NRG1: variants seen among roughly 807,000 people sequenced by gnomAD.
The protein encoded by NRG1 is pro-neuregulin-1, membrane-bound isoform.
Under a neutral mutation model 63.8 loss-of-function variants are expected in NRG1, and 18 were observed. The ratio of observed to expected loss-of-function variants is 0.28; its 90% CI spans 0.19 to 0.42. The LOEUF is 0.42. Among genes scored for constraint, NRG1 ranks in the 10% least tolerant of loss-of-function variants. NRG1 has a pLI of 1.00. For synonymous variants in NRG1, 302 were observed against 301.3 expected (o/e 1.00, Z -0.02); for missense variants, 762 against 814.7 (o/e 0.94, Z 0.79).
chr8:32,066,401 A>G (rs753582817), intron 1 of NRG1, among the ~76,000 whole-genome samples: 1 of 152,362 alleles, frequency 6.6e-6, no homozygotes, highest in Non-Finnish European at 1.5e-5. Flanking sequence ...AGCTTTTTAC[A>G]TATGGCTAGC....
At chr8:32,181,841 A>C (rs1841460417) in intron 1 of NRG1, among the ~76,000 whole-genome samples, 2 of 152,050 alleles carry the variant, frequency 1.3e-5, no homozygotes, top group Admixed American at 1.3e-4. Flanking sequence ...TTATAACTGA[A>C]AAAAAAACTG....
At chr8:32,396,010 C>T (rs1812392523) in intron 1 of NRG1, among the ~76,000 whole-genome samples, 2 of 152,120 alleles carry the variant, frequency 1.3e-5, no homozygotes, top group Non-Finnish European at 2.9e-5. Context: ...GTTACCTTTG[C>T]TGCTTTGTTA....
chr8:32,026,936 T>C (rs1234807935), intron 1 of NRG1, among the ~76,000 whole-genome samples: 1 of 152,172 alleles, frequency 6.6e-6, no homozygotes, highest in Non-Finnish European at 1.5e-5. Flanking sequence ...ATAATTATCT[T>C]AATCCCCATT....
intron 1 of NRG1, among the ~76,000 whole-genome samples, chr8:32,499,636 T>A (rs1487647921): frequency 1.3e-5 from 2 of 152,178 alleles, no homozygotes; most frequent in Non-Finnish European, 2.9e-5. Context: ...ATCACACCAC[T>A]GCCCTCCAGC....
intron 1 of NRG1, among the ~76,000 whole-genome samples, chr8:31,720,389 G>A (rs1321307910): frequency 7.2e-5 from 11 of 152,166 alleles, no homozygotes; most frequent in Non-Finnish European, 1.5e-5. Context: ...ACGTAAACAT[G>A]TGTCACGGTA....
intron 1 of NRG1, among the ~76,000 whole-genome samples, chr8:31,780,878 G>A (rs1328539233): frequency 1.3e-5 from 2 of 152,108 alleles, no homozygotes; most frequent in African/African-American, 4.8e-5. Context: ...CCTGTTTCAG[G>A]CACCATTCTC....
intron 1 of NRG1, among the ~76,000 whole-genome samples, chr8:32,066,722 A>G (rs1170599625): frequency 6.6e-6 from 1 of 152,172 alleles, no homozygotes; most frequent in South Asian, 2.1e-4. Context: ...CAATTCTATG[A>G]AGAAAGGCAT....
chr8:31,924,306 G>T (rs1395293567), intron 1 of NRG1, among the ~76,000 whole-genome samples: 1 of 151,312 alleles, frequency 6.6e-6, no homozygotes, highest in Non-Finnish European at 1.5e-5. Flanking sequence ...AGCTGAGATT[G>T]CTCCACTGAA....
In NRG1 at chr8:31,724,073, T is replaced by A. The variant is rs890737254; in HGVS notation, c.37+84642T>A. ...ACACTTAATAAAAGTGAATTGATAA[T>A]GATCATATATATTATATAATTAGGT... On this transcript the variant is annotated intron_variant, in intron 1 of 10. Coordinates refer to the NRG1 transcript ENST00000519301. Among the ~76,000 whole-genome samples the A allele has an allele frequency of 2.0e-5, 3 of 152,066 alleles. No homozygotes were observed. The South Asian group carries it at 6.2e-4, about 31-fold the overall frequency.
At position 32,608,091 on chromosome 8, in the gene NRG1, TG is replaced by T. The variant is rs1196536934; in HGVS notation, c.400+2409del. The stretch of plus-strand genomic sequence containing the variant: ...AGGAGATATGAACCCAGGTTTTTTT[TG>T]TTTTTTTTTTTTTTGTTTTTTTTTT... On this transcript the variant is annotated intron_variant, in intron 3 of 11. Coordinates refer to ENST00000356819, the Ensembl canonical transcript of NRG1. Among the ~76,000 whole-genome samples the T allele has an allele frequency of 1.7e-3, 198 of 118,028 alleles. 2 individuals carry two copies. Among genetic ancestry groups the T allele is most frequent in the African/African-American group, 6.6e-3 (166 of 25,178 alleles). The allele number at this position is 118,028 out of a possible 152,430, so 77.4% of individuals were successfully genotyped here. A position where few individuals can be genotyped will look rare whatever the true frequency, so the allele number is the denominator to read the frequency against.
intron 5 of NRG1, among the ~76,000 whole-genome samples, chr8:32,686,241 A>AC (rs1554634244): frequency 2.0e-5 from 3 of 152,260 alleles, no homozygotes; most frequent in African/African-American, 7.2e-5. Flanking sequence ...AGAGAAAAAA[A>AC]CTCTAGGATT....
At chr8:32,702,353 C>T (rs904060104) in intron 5 of NRG1, among the ~76,000 whole-genome samples, 7 of 152,164 alleles carry the variant, frequency 4.6e-5, no homozygotes, top group Non-Finnish European at 8.8e-5. Flanking sequence ...AATAGGCATA[C>T]GTAAAATCAC....
chr8:31,809,311 GT>G (rs201710680), intron 1 of NRG1, among the ~76,000 whole-genome samples: 99 of 131,496 alleles, frequency 7.5e-4, no homozygotes, highest in African/African-American at 2.0e-3. Flanking sequence ...TTTTCCTTCA[GT>G]TTTTTTTTTC....
chr8:32,636,401 T>C (rs1851348592), intron 5 of NRG1, among the ~76,000 whole-genome samples: 1 of 152,184 alleles, frequency 6.6e-6, no homozygotes, highest in African/African-American at 2.4e-5. Flanking sequence ...GTTTATAAAA[T>C]ATCTGTGTGA....
intron 1 of NRG1, among the ~76,000 whole-genome samples, chr8:31,926,180 T>A (rs948409913): frequency 1.4e-4 from 22 of 152,160 alleles, no homozygotes; most frequent in Admixed American, 1.3e-4. Context: ...GCTTGTTATT[T>A]TCAGTTTCTC....
At chr8:32,456,774 C>A (rs1220746683) in intron 1 of NRG1, among the ~76,000 whole-genome samples, 2 of 151,988 alleles carry the variant, frequency 1.3e-5, no homozygotes, top group African/African-American at 2.4e-5. Context: ...GTGGTTGGAC[C>A]CCCCCAGCAT....
chr8:31,834,879 C>T (rs1475791285), intron 1 of NRG1, among the ~76,000 whole-genome samples: 25 of 152,158 alleles, frequency 1.6e-4, no homozygotes, highest in Non-Finnish European at 1.5e-5. Flanking sequence ...TTTCCTGGAG[C>T]ATGTTGTATA....
At chr8:32,571,584 G>T (rs1838594244) in intron 1 of NRG1, among the ~76,000 whole-genome samples, 1 of 151,988 alleles carries the variant, frequency 6.6e-6, no homozygotes, top group African/African-American at 2.4e-5. Flanking sequence ...GCAGAAGCTA[G>T]TTTTTTGTTT....
At chr8:31,945,094 T>A (rs13439386) in intron 1 of NRG1, among the ~76,000 whole-genome samples, 6,265 of 152,304 alleles carry the variant, frequency 0.041, 455 homozygotes, top group African/African-American at 0.14. Context: ...GAGGCCCTTT[T>A]TGCCTTCGAG....
Sources: gnomAD v4.1 joint callset for allele counts (sites outside exome capture counted in the v4.1 genomes callset) on GRCh38, gnomAD v4.1.1 for gene constraint, MANE v1.5 for transcripts, NCBI Gene and HGNC (gene_info 2026-07-23, HGNC 2026-07-21) for gene names.